The following FAM135B variants were observed in gnomAD, a reference collection of about 807,000 sequenced individuals.
FAM135B encodes the protein family with sequence similarity 135 member B, also known as protein FAM135B.
Under a neutral mutation model 127.7 loss-of-function variants are expected in FAM135B, and 43 were observed. The observed-to-expected ratio is 0.34, with a 90% CI of 0.26 to 0.43. The LOEUF is 0.43. Ranked by LOEUF, FAM135B falls within the 20% of genes least tolerant of loss-of-function variation. The pLI is 1.00. For missense variants in FAM135B, 1,558 were observed against 1,725.6 expected (o/e 0.90, Z 1.72); for synonymous variants, 670 against 665.1 (o/e 1.01, Z -0.11).
intron 7 of FAM135B, among the ~76,000 whole-genome samples, chr8:138,208,292 A>T (rs1189610260): frequency 6.6e-6 from 1 of 152,240 alleles, no homozygotes; most frequent in African/African-American, 2.4e-5. Context: ...AAATTAAAAA[A>T]AGAAAAAGTT....
intron 1 of FAM135B, among the ~76,000 whole-genome samples, chr8:138,457,496 T>A (rs1338364850): frequency 4.6e-5 from 7 of 152,250 alleles, no homozygotes; most frequent in African/African-American, 1.7e-4. Flanking sequence ...ATGATGAGCA[T>A]GGCATCACCA....
intron 1 of FAM135B, among the ~76,000 whole-genome samples, chr8:138,493,021 C>G (rs935746998): frequency 2.0e-5 from 3 of 152,036 alleles, no homozygotes; most frequent in African/African-American, 4.8e-5. Flanking sequence ...CACATCACAG[C>G]ACCACTCCAT....
chr8:138,369,441 G>A (rs1338361325), intron 1 of FAM135B, among the ~76,000 whole-genome samples: 2 of 152,272 alleles, frequency 1.3e-5, no homozygotes, highest in African/African-American at 2.4e-5. Flanking sequence ...AGGATTAACT[G>A]GGCCTTAACT....
chr8:138,322,165 C>T (rs1219115755), intron 2 of FAM135B, among the ~76,000 whole-genome samples: 2 of 152,170 alleles, frequency 1.3e-5, no homozygotes, highest in Non-Finnish European at 2.9e-5. Context: ...ATAGTGAAAA[C>T]ATTGCATATG....
chr8:138,460,505 C>T (rs906379777), intron 1 of FAM135B, among the ~76,000 whole-genome samples: 1 of 152,180 alleles, frequency 6.6e-6, no homozygotes, highest in African/African-American at 2.4e-5. Context: ...CCAAACATGG[C>T]AGGGACTGTC....
intron 1 of FAM135B, among the ~76,000 whole-genome samples, chr8:138,395,423 T>C (rs560150114): frequency 6.6e-6 from 1 of 152,136 alleles, no homozygotes; most frequent in African/African-American, 2.4e-5. Flanking sequence ...CCAAAGGAGC[T>C]ATGGGGGAAA....
chr8:138,384,664 G>T (rs1832076399), intron 1 of FAM135B, among the ~76,000 whole-genome samples: 1 of 152,112 alleles, frequency 6.6e-6, no homozygotes, highest in African/African-American at 2.4e-5. Context: ...ACCTGTGTGT[G>T]TGTGTATGTG....
chr8:138,252,027 G>A (rs1031313078), intron 5 of FAM135B, among the ~76,000 whole-genome samples: 1 of 152,218 alleles, frequency 6.6e-6, no homozygotes, highest in Non-Finnish European at 1.5e-5. Context: ...CAAAGGCCAA[G>A]TGAAATAGCC....
chr8:138,219,917 G>A (rs1337354163), intron 7 of FAM135B, among the ~76,000 whole-genome samples: 1 of 152,132 alleles, frequency 6.6e-6, no homozygotes, highest in East Asian at 1.9e-4. Context: ...ATGAAAGGCT[G>A]ACCTCCTGCC....
intron 3 of FAM135B, among the ~76,000 whole-genome samples, chr8:138,284,640 C>T (rs572495514): frequency 5.9e-5 from 9 of 151,826 alleles, no homozygotes; most frequent in African/African-American, 2.2e-4. Flanking sequence ...GTTCCCTCTG[C>T]TTGGAATGGC....
At chr8:138,316,766 A>G (rs11166806) in intron 2 of FAM135B, among the ~76,000 whole-genome samples, 32,110 of 151,932 alleles carry the variant, frequency 0.21, 3,664 homozygotes, top group East Asian at 0.36. Flanking sequence ...AGATCACGAG[A>G]TCAGGAGATG....
intron 7 of FAM135B, among the ~76,000 whole-genome samples, chr8:138,235,836 G>A (rs185536236): frequency 1.9e-3 from 284 of 152,316 alleles, no homozygotes; most frequent in Admixed American, 8.4e-3. Context: ...CTTAAAGACA[G>A]CTTCAGAGTG....
At chr8:138,257,408 A>G (rs1434143670) in intron 4 of FAM135B, among the ~76,000 whole-genome samples, 1 of 129,026 alleles carries the variant, frequency 7.8e-6, no homozygotes, top group East Asian at 2.3e-4. Context: ...TTGCTTTAAG[A>G]AAAAAAAAAC....
At chr8:138,259,476 T>C (rs974095503) in intron 4 of FAM135B, among the ~76,000 whole-genome samples, 4 of 152,312 alleles carry the variant, frequency 2.6e-5, no homozygotes, top group Non-Finnish European at 5.9e-5. Flanking sequence ...AACTAAAATT[T>C]AAAAACGTAC....
At chr8:138,194,203 G>A (rs560643305) in intron 9 of FAM135B, among the ~76,000 whole-genome samples, 90 of 152,192 alleles carry the variant, frequency 5.9e-4, no homozygotes, top group African/African-American at 2.1e-3. Context: ...GTGTTTCCCT[G>A]TTATCGCTAC....
intron 4 of FAM135B, among the ~76,000 whole-genome samples, chr8:138,262,045 G>A (rs558840077): frequency 6.6e-6 from 1 of 152,140 alleles, no homozygotes; most frequent in Non-Finnish European, 1.5e-5. Context: ...CTGCCATATG[G>A]ATTACCCCCA....
intron 7 of FAM135B, among the ~76,000 whole-genome samples, chr8:138,237,014 C>T (rs958061744): frequency 3.9e-5 from 6 of 152,144 alleles, no homozygotes; most frequent in Admixed American, 2.6e-4. Flanking sequence ...CCCTAAAGTC[C>T]GTGTCTTCCC....
chr8:138,251,844 A>C (rs1821722176), intron 5 of FAM135B, among the ~76,000 whole-genome samples: 1 of 152,218 alleles, frequency 6.6e-6, no homozygotes, highest in African/African-American at 2.4e-5. Context: ...GAAGCAGACC[A>C]CAAGGGAAAC....
chr8:138,485,086 A>T (rs1292268230), intron 1 of FAM135B, among the ~76,000 whole-genome samples: 1 of 152,268 alleles, frequency 6.6e-6, no homozygotes, highest in Admixed American at 6.5e-5. Flanking sequence ...AACTAATATC[A>T]AGTCCTTTAA....
Sources: allele counts gnomAD v4.1 joint callset (sites outside exome capture counted in the v4.1 genomes callset), GRCh38; gene constraint gnomAD v4.1.1; transcripts MANE v1.5; gene names NCBI Gene and HGNC (gene_info 2026-07-23, HGNC 2026-07-21).